The following CRIM1 variants were observed in gnomAD, a reference collection of about 807,000 sequenced individuals.
The protein encoded by CRIM1 is cysteine rich transmembrane BMP regulator 1, also known as cysteine-rich motor neuron 1 protein.
In CRIM1, 32 loss-of-function variants were observed where a neutral mutation model predicts 116.4. That is an observed-to-expected ratio of 0.27 (90% confidence interval 0.21 to 0.37). The LOEUF (loss-of-function observed/expected upper bound fraction) is 0.37. CRIM1 is among the 10% of genes least tolerant of loss of function. The pLI is 1.00. For synonymous variants in CRIM1, 590 were observed against 509.2 expected (o/e 1.16, Z -2.13); for missense variants, 1,331 against 1,354.8 (o/e 0.98, Z 0.28).
intron 8 of CRIM1, among the ~76,000 whole-genome samples, chr2:36,506,210 CA>C (rs1681408907): frequency 1.5e-5 from 2 of 137,766 alleles, no homozygotes; most frequent in African/African-American, 5.2e-5. Context: ...CACACACACA[CA>C]CACACTCAGA....
At position 36,512,294 on chromosome 2, in the gene CRIM1, C is replaced by T. The variant is rs193093930; in HGVS notation, c.1680C>T (p.Asp560=). 3.0e-5 allele frequency: 48 copies of T among 1,613,562 alleles called. No homozygotes were observed. In the East Asian group the frequency reaches 7.1e-4, roughly 24 times the overall value. ...LGLLKNKHGC[D]ICRCKKCPEL... The stretch of plus-strand genomic sequence containing the variant: ...CCAGGAAGAATAAGCACGGCTGTGA[C>T]ATCTGTCGCTGTAAGAAATGTCCAG... The change falls in exon 10 of 17, where the codon GAC becomes GAT. Residue 560 remains aspartate (D), a synonymous_variant. Coordinates refer to ENST00000280527, the MANE Select transcript of CRIM1 (RefSeq NM_016441.3).
intron 4 of CRIM1, among the ~76,000 whole-genome samples, chr2:36,461,673 A>G (rs184373055): frequency 2.6e-4 from 39 of 152,352 alleles, no homozygotes; most frequent in African/African-American, 7.7e-4. Flanking sequence ...TGGGACTCAT[A>G]TCATTTGTAG....
At chr2:36,373,536 T>C (rs1381509840) in intron 1 of CRIM1, among the ~76,000 whole-genome samples, 1 of 152,150 alleles carries the variant, frequency 6.6e-6, no homozygotes, top group Non-Finnish European at 1.5e-5. Context: ...AAGATGGCAC[T>C]TGGGGAGAAA....
intron 1 of CRIM1, among the ~76,000 whole-genome samples, chr2:36,358,175 G>C (rs1330229368): frequency 1.3e-5 from 2 of 152,108 alleles, no homozygotes; most frequent in African/African-American, 2.4e-5. Context: ...CCTCTCACCT[G>C]GTATTGTCCC....
chr2:36,382,636 C>G (rs1423879662), intron 1 of CRIM1, among the ~76,000 whole-genome samples: 2 of 152,222 alleles, frequency 1.3e-5, no homozygotes, highest in African/African-American at 4.8e-5. Context: ...TTTCCTCCAC[C>G]CGATTGATAA....
intron 6 of CRIM1, among the ~76,000 whole-genome samples, chr2:36,478,436 A>G (rs861051): frequency 0.42 from 63,277 of 152,024 alleles, 14,774 homozygotes; most frequent in African/African-American, 0.6. Flanking sequence ...GCATGGATCC[A>G]GTTATGTCTC....
chr2:36,403,084 CT>C (rs1672537520), intron 2 of CRIM1, among the ~76,000 whole-genome samples: 1 of 152,172 alleles, frequency 6.6e-6, no homozygotes, highest in African/African-American at 2.4e-5. Context: ...GAATAACCTA[CT>C]TTGCAGTGAT....
At chr2:36,501,156 A>G (rs978236877) in intron 8 of CRIM1, among the ~76,000 whole-genome samples, 6 of 152,100 alleles carry the variant, frequency 3.9e-5, no homozygotes, top group African/African-American at 1.4e-4. Context: ...TCTCACACAC[A>G]GTACTGGTTC....
intron 4 of CRIM1, among the ~76,000 whole-genome samples, chr2:36,460,358 T>G (rs1677484666): frequency 6.6e-6 from 1 of 152,170 alleles, no homozygotes; most frequent in Admixed American, 6.5e-5. Context: ...AGAACATAAA[T>G]TAGTGGTTGC....
At chr2:36,396,866 T>C in intron 2 of CRIM1, 79 bp downstream of exon 2, 1 of 1,250,304 alleles carries the variant, frequency 8.0e-7, no homozygotes, top group South Asian at 1.5e-5. Flanking sequence ...TATTTGAGCT[T>C]GAAAAGGCAA....
chr2:36,403,985 A>G (rs1043279697), intron 2 of CRIM1, among the ~76,000 whole-genome samples: 3 of 152,102 alleles, frequency 2.0e-5, no homozygotes, highest in African/African-American at 7.2e-5. Flanking sequence ...TGATGTGAGG[A>G]GTATGAGCAT....
At chr2:36,367,994 G>A (rs552874565) in intron 1 of CRIM1, among the ~76,000 whole-genome samples, 1 of 152,298 alleles carries the variant, frequency 6.6e-6, no homozygotes, top group Admixed American at 6.5e-5. Context: ...GCCAAAACTT[G>A]CCCAAATTCA....
chr2:36,500,688 A>G (rs1474744442), intron 8 of CRIM1, among the ~76,000 whole-genome samples: 1 of 152,210 alleles, frequency 6.6e-6, no homozygotes, highest in Non-Finnish European at 1.5e-5. Context: ...TCCTTATCTA[A>G]ATCACTGAAT....
chr2:36,377,469 A>C (rs192811221), intron 1 of CRIM1, among the ~76,000 whole-genome samples: 11 of 152,356 alleles, frequency 7.2e-5, no homozygotes, highest in African/African-American at 2.4e-4. Flanking sequence ...GCCAGTGCAT[A>C]GTCCAGCCTG....
At chr2:36,524,412 A>T (rs1036301355) in intron 13 of CRIM1, among the ~76,000 whole-genome samples, 3 of 152,198 alleles carry the variant, frequency 2.0e-5, no homozygotes, top group African/African-American at 7.2e-5. Flanking sequence ...TATAGCCAAT[A>T]TCCCCATAGT....
intron 15 of CRIM1, among the ~76,000 whole-genome samples, chr2:36,544,723 GCTC>G (rs1667193206): frequency 1.3e-5 from 2 of 152,162 alleles, no homozygotes; most frequent in African/African-American, 4.8e-5. Flanking sequence ...GGCCCTCTGT[GCTC>G]AGAGACTTTG....
intron 14 of CRIM1, among the ~76,000 whole-genome samples, chr2:36,541,965 T>C (rs1293041803): frequency 3.3e-5 from 5 of 152,204 alleles, no homozygotes; most frequent in Admixed American, 2.6e-4. Context: ...CTGAAAGAAT[T>C]GTTCTTTTTG....
chr2:36,456,643 G>C (rs1017380603), intron 4 of CRIM1, among the ~76,000 whole-genome samples: 2 of 152,190 alleles, frequency 1.3e-5, no homozygotes, highest in African/African-American at 4.8e-5. Context: ...GACTTGGCCA[G>C]CTCTCGATGT....
intron 2 of CRIM1, among the ~76,000 whole-genome samples, chr2:36,411,591 T>C (rs546618315): frequency 1.1e-3 from 167 of 152,320 alleles, no homozygotes; most frequent in African/African-American, 3.8e-3. Flanking sequence ...TAAGCACATA[T>C]ACATCCATGA....
Sources: gnomAD v4.1 joint callset for allele counts (sites outside exome capture counted in the v4.1 genomes callset) on GRCh38, gnomAD v4.1.1 for gene constraint, MANE v1.5 for transcripts, NCBI Gene and HGNC (gene_info 2026-07-23, HGNC 2026-07-21) for gene names.